The following ZSCAN5A variants were observed in gnomAD, a reference collection of about 807,000 sequenced individuals.
ZSCAN5A encodes zinc finger and SCAN domain-containing protein 5A.
Under a neutral mutation model 23.7 loss-of-function variants are expected in ZSCAN5A, and 12 were observed. The ratio of observed to expected loss-of-function variants is 0.51; its 90% CI spans 0.32 to 0.82. ZSCAN5A has a LOEUF of 0.82. ZSCAN5A is among the 40% of genes least tolerant of loss of function. ZSCAN5A has a pLI of 0.03. For synonymous variants in ZSCAN5A, 257 were observed against 239.9 expected, an observed-to-expected ratio of 1.07 and a Z score of -0.66; for missense variants, 597 against 617.9, an observed-to-expected ratio of 0.97 and a Z score of 0.36.
intron 2 of ZSCAN5A, among the ~76,000 whole-genome samples, chr19:56,290,704 A>C: frequency 6.6e-6 from 1 of 152,172 alleles, no homozygotes. Flanking sequence ...TATGAAATAT[A>C]AATACATAAA....
At chr19:56,300,767 G>T (rs1223699394) in intron 2 of ZSCAN5A, among the ~76,000 whole-genome samples, 4 of 151,810 alleles carry the variant, frequency 2.6e-5, no homozygotes, top group Non-Finnish European at 1.5e-5. Flanking sequence ...TTTATTTTTT[G>T]ATTGGAAACC....
At chr19:56,246,406 G>T (rs758276138) in intron 2 of ZSCAN5A, 4 of 566,988 alleles carry the variant, frequency 7.1e-6, no homozygotes, top group Admixed American at 2.7e-5. Context: ...GGATCTGAAC[G>T]TAGACAGGGA....
At chr19:56,343,568 T>C (rs1310838464) in intron 2 of ZSCAN5A, 1 of 345,686 alleles carries the variant, frequency 2.9e-6, no homozygotes, top group Non-Finnish European at 5.6e-6. Context: ...AGAGGTACTA[T>C]TATCATTTCA....
rs146175733 is a variant in ZSCAN5A at position 56,298,684 on chromosome 19, T to G, written c.-128+14599A>C. 2.9e-3 allele frequency among the ~76,000 whole-genome samples: 448 copies of G among 151,882 alleles called. 6 individuals carry two copies. The highest frequency in any genetic ancestry group is 0.01 in the African/African-American group (425 of 41,444). ...AAAAAAAAATCTGAATAATCCTCTA[T>G]CTATTAAAGAAATGCCACCTGTAAT... is the stretch of plus-strand genomic sequence containing the variant. On this transcript the variant is annotated intron_variant, in intron 2 of 5. Coordinates refer to ENST00000683990, the MANE Select transcript of ZSCAN5A (RefSeq NM_001322064.3).
At chr19:56,325,732 G>GAA (rs2041426308) in intron 2 of ZSCAN5A, among the ~76,000 whole-genome samples, 3 of 98,410 alleles carry the variant, frequency 3.0e-5, no homozygotes, top group Admixed American at 2.5e-4. Flanking sequence ...CTGGTTATCT[G>GAA]TTGTTGTTGT....
chr19:56,313,220 C>T lies in ZSCAN5A; in HGVS notation c.-128+63G>A, dbSNP rs529507636. The T allele has an allele frequency of 3.6e-4, 114 of 318,938 alleles. No homozygotes were observed. In the Middle Eastern group the frequency reaches 5.5e-3, roughly 15 times the overall value. The allele number at this position is 318,938 out of a possible 1,614,324, so 19.8% of individuals were successfully genotyped here. On this transcript the variant is annotated intron_variant, in intron 2 of 5. Transcript: ENST00000683990. ...TGGAAGATGTATTAGTCTGTTTTCA[C>T]GCTGCTGATAAAGACATATCCAAGA... is the stretch of plus-strand genomic sequence containing the variant.
intron 1 of ZSCAN5A, chr19:56,365,711 C>T (rs1475400604): frequency 6.6e-6 from 1 of 152,216 alleles, no homozygotes; most frequent in African/African-American, 2.4e-5. Flanking sequence ...AGAATGATAA[C>T]TTACCAGAGC....
At chr19:56,312,236 T>G (rs1303255413) in intron 2 of ZSCAN5A, 1 of 152,236 alleles carries the variant, frequency 6.6e-6, no homozygotes, top group African/African-American at 2.4e-5. Flanking sequence ...CATTTATAGT[T>G]AAAGAGTAGA....
Position 56,237,359 on chromosome 19 carries a change from C to A in ZSCAN5A, c.-127-12186G>T, listed in dbSNP as rs367607994. Among the ~76,000 whole-genome samples the A allele has an allele frequency of 3.9e-5, 6 of 152,226 alleles. No homozygotes were observed. The South Asian group carries it at 8.3e-4, about 21-fold the overall frequency. ...ATCCACACCGCCATTCTGATTGTCA[C>A]TTTCAGTTCAGTATTCAATAAACTA... is the stretch of plus-strand genomic sequence containing the variant. On this transcript the variant is annotated intron_variant, in intron 2 of 5. Transcript: ENST00000683990.
intron 2 of ZSCAN5A, among the ~76,000 whole-genome samples, chr19:56,250,155 A>C (rs1014758009): frequency 6.6e-6 from 1 of 152,206 alleles, no homozygotes. Context: ...ACACCCTGAG[A>C]GAGTGGATTT....
chr19:56,277,702 T>C (rs2038370581), intron 2 of ZSCAN5A, among the ~76,000 whole-genome samples: 2 of 152,110 alleles, frequency 1.3e-5, no homozygotes, highest in South Asian at 2.1e-4. Context: ...AAAGCTATTA[T>C]TCAAATATCT....
At chr19:56,290,759 T>C (rs2039456191) in intron 2 of ZSCAN5A, among the ~76,000 whole-genome samples, 2 of 152,186 alleles carry the variant, frequency 1.3e-5, no homozygotes, top group African/African-American at 2.4e-5. Flanking sequence ...AATAATTGAA[T>C]GTCCTATACT....
At chr19:56,263,845 GCTT>G (rs763118844) in intron 2 of ZSCAN5A, among the ~76,000 whole-genome samples, 9 of 151,922 alleles carry the variant, frequency 5.9e-5, no homozygotes, top group Non-Finnish European at 1.2e-4. Context: ...ATAGTATTAT[GCTT>G]CTATGAGCCA....
intron 2 of ZSCAN5A, among the ~76,000 whole-genome samples, chr19:56,261,269 A>C: frequency 6.6e-6 from 1 of 152,210 alleles, no homozygotes; most frequent in East Asian, 1.9e-4. Flanking sequence ...TTAAGTCCAA[A>C]GCCTGGCTGA....
intron 2 of ZSCAN5A, among the ~76,000 whole-genome samples, chr19:56,295,310 A>T (rs1391154583): frequency 6.6e-6 from 1 of 152,044 alleles, no homozygotes; most frequent in Non-Finnish European, 1.5e-5. Context: ...ACATGGAAAA[A>T]AGGCCTGGCA....
chr19:56,354,337 GA>G (rs2041688650), intron 2 of ZSCAN5A, among the ~76,000 whole-genome samples: 1 of 151,978 alleles, frequency 6.6e-6, no homozygotes, highest in African/African-American at 2.4e-5. Flanking sequence ...TTTTTTAAAA[GA>G]GTATTATGAC....
At chr19:56,307,508 T>C (rs2040768754) in intron 2 of ZSCAN5A, among the ~76,000 whole-genome samples, 1 of 152,230 alleles carries the variant, frequency 6.6e-6, no homozygotes, top group Non-Finnish European at 1.5e-5. Flanking sequence ...ATTTACTTAT[T>C]ATGAAGTGAG....
At chr19:56,304,871 G>A in intron 2 of ZSCAN5A, 1 of 894,142 alleles carries the variant, frequency 1.1e-6, no homozygotes, top group Non-Finnish European at 1.3e-6. Context: ...CACCGCTGGG[G>A]TGGGGTTAGG....
upstream of ZSCAN5A, chr19:56,319,793 T>A (rs2041356115): frequency 2.6e-6 from 2 of 775,148 alleles, no homozygotes; most frequent in Admixed American, 3.4e-5. Context: ...CCTGTAACTA[T>A]GGTCCACTGG....
Sources: gnomAD v4.1 joint callset for allele counts (sites outside exome capture counted in the v4.1 genomes callset) on GRCh38, gnomAD v4.1.1 for gene constraint, MANE v1.5 for transcripts, NCBI Gene and HGNC (gene_info 2026-07-23, HGNC 2026-07-21) for gene names.